The following AKR1B15 variants were observed in gnomAD, a reference collection of about 807,000 sequenced individuals.
AKR1B15 encodes the protein aldo-keto reductase family 1 member B15, also known as estradiol 17-beta-dehydrogenase AKR1B15.
AKR1B15 carries 49 observed loss-of-function variants against 38.5 expected under a neutral mutation model. The observed-to-expected ratio is 1.27, with a 90% CI of 1.01 to 1.62. The LOEUF is 1.62. AKR1B15 is among the 40% of genes most tolerant of loss of function. The pLI is 0.00. For synonymous variants in AKR1B15, 137 were observed against 135.5 expected (o/e 1.01, Z -0.08); for missense variants, 411 against 381.6 (o/e 1.08, Z -0.64).
intron 5 of AKR1B15, among the ~76,000 whole-genome samples, chr7:134,571,021 A>G (rs1794657218): frequency 6.6e-6 from 1 of 152,220 alleles, no homozygotes; most frequent in Non-Finnish European, 1.5e-5. Flanking sequence ...TGGCAGTGGC[A>G]TCTTGGAGAA....
rs2117678708 is a variant in AKR1B15, at chr7:134,579,712, A to G, written c.*163A>G. Reference sequence around the variant, plus strand: ...TGCTGTTTTAGACATGTATTTCTGTATGTTCAACTAGGATAAGAATATCAC... The same window carrying G: ...TGCTGTTTTAGACATGTATTTCTGTGTGTTCAACTAGGATAAGAATATCAC... On this transcript the variant is annotated 3_prime_UTR_variant, in exon 12 of 12. Coordinates refer to ENST00000457545, the MANE Select transcript of AKR1B15 (RefSeq NM_001080538.3). 1.8e-6 allele frequency: 1 copy of G among 563,762 alleles called. No homozygotes were observed. The highest frequency in any genetic ancestry group is 3.0e-6 in the Non-Finnish European group (1 of 332,564). 34.9% of individuals were successfully genotyped at this position (563,762 alleles called of 1,614,324 possible).
In AKR1B15 at chr7:134,576,346, T is replaced by G. The variant is rs1431772691; in HGVS notation, c.744-3T>G. On this transcript the variant is annotated splice_region_variant and splice_polypyrimidine_tract_variant and intron_variant, in intron 8 of 11. Transcript: ENST00000457545. ...ATTCACATCAGCATCTTTCTGCCCC[T>G]AGGGCCAAACCTGAGGACCCTTCCC... 1.9e-6 allele frequency: 3 copies of G among 1,613,950 alleles called. No individual in the cohort carries two copies.
rs768439134 is a variant in AKR1B15, at chr7:134,579,511, T to G, written c.997T>G (p.Ser333Ala). The G allele has an allele frequency of 6.3e-7, 1 of 1,594,808 alleles. No individual in the cohort carries two copies. The highest frequency in any genetic ancestry group is 8.5e-7 in the Non-Finnish European group (1 of 1,170,748). Residue 333 changes from serine to alanine, a missense_variant, in exon 12 of 12, where the codon TCT becomes GCT. By Grantham distance (99) the Ser-to-Ala change is moderately conservative. This residue lies in a region of AKR1B15 where 133 missense variants were observed against 120.3 expected (regional missense o/e 1.11). Transcript: ENST00000457545. ...NWRAFDFKEF[S>A]HLEDFPFDAE... ...TTTTTTTCTCTCTCTCTGTAGATTC[T>G]CTCATTTGGAGGACTTTCCCTTCGA...
chr7:134,577,133 G>C (rs1310070468), intron 10 of AKR1B15, 87 bp downstream of exon 10: 3 of 1,366,688 alleles, frequency 2.2e-6, no homozygotes, highest in Non-Finnish European at 3.1e-6. Context: ...CCTCATCCCT[G>C]CACTGTCTTT....
intron 2 of AKR1B15, among the ~76,000 whole-genome samples, chr7:134,560,876 A>G (rs1334133172): frequency 1.3e-5 from 2 of 152,216 alleles, no homozygotes; most frequent in African/African-American, 4.8e-5. Context: ...ACCTCAGACT[A>G]ACACCACTTT....
At chr7:134,572,862 G>A (rs1016644095) in intron 6 of AKR1B15, among the ~76,000 whole-genome samples, 2 of 152,162 alleles carry the variant, frequency 1.3e-5, no homozygotes, top group Non-Finnish European at 2.9e-5. Flanking sequence ...AGTTAATCAT[G>A]TTATCTTGGC....
At chr7:134,565,414 A>T in intron 3 of AKR1B15, 1 of 1,609,874 alleles carries the variant, frequency 6.2e-7, no homozygotes, top group Admixed American at 1.7e-5. Flanking sequence ...TCTGGAAGGA[A>T]CCAACTCTGG....
chr7:134,555,484 A>C (rs867402095), intron 1 of AKR1B15, among the ~76,000 whole-genome samples: 1 of 152,114 alleles, frequency 6.6e-6, no homozygotes, highest in African/African-American at 2.4e-5. Flanking sequence ...AACTGCGCCT[A>C]AGTTGAGTAA....
chr7:134,556,576 A>C (rs1407221107), intron 1 of AKR1B15, among the ~76,000 whole-genome samples, 160 bp from the exon 2 acceptor site: 1 of 152,068 alleles, frequency 6.6e-6, no homozygotes, highest in Non-Finnish European at 1.5e-5. Context: ...CAGGCACCCA[A>C]AAATACCTGG....
Position 134,563,333 on chromosome 7 carries a change from C to T in AKR1B15, c.-22-1265C>T, listed in dbSNP as rs1280473226. ...CTGTAATCCCAGCACTTTGGCAGGC[C>T]GAGGTGGGTGGATCACCTGAGGTCA... On this transcript the variant is annotated intron_variant, in intron 2 of 11. Transcript: ENST00000457545. Among the ~76,000 whole-genome samples, 11 of 152,066 alleles carry T rather than the reference C, an allele frequency of 7.2e-5. No individual in the cohort carries two copies. The East Asian group carries it at 7.7e-4, about 11-fold the overall frequency.
chr7:134,568,590 A>G (rs900131640), intron 4 of AKR1B15, among the ~76,000 whole-genome samples: 3 of 152,120 alleles, frequency 2.0e-5, no homozygotes, highest in Non-Finnish European at 2.9e-5. Flanking sequence ...CATCAGAGGG[A>G]TCTACCATCT....
At chr7:134,566,849 C>G (rs1437206633) in intron 3 of AKR1B15, among the ~76,000 whole-genome samples, 1 of 152,186 alleles carries the variant, frequency 6.6e-6, no homozygotes, top group Non-Finnish European at 1.5e-5. Flanking sequence ...TACATACTGA[C>G]TCTTGCTTGA....
intron 4 of AKR1B15, 51 bp downstream of exon 4, chr7:134,568,376 T>C: frequency 6.2e-7 from 1 of 1,603,198 alleles, no homozygotes; most frequent in Non-Finnish European, 8.5e-7. Flanking sequence ...CAGGCAGAAG[T>C]ATCTGGATCG....
intron 9 of AKR1B15, 65 bp from the exon 10 acceptor site, chr7:134,576,898 T>C (rs1794777424): frequency 7.0e-6 from 10 of 1,433,332 alleles, no homozygotes; most frequent in Admixed American, 6.7e-5. Context: ...TGTTTTATTC[T>C]TCCTTTCCAT....
At chr7:134,577,598 G>C (rs1423377756) in intron 10 of AKR1B15, 106 bp from the exon 11 acceptor site, 1 of 1,316,014 alleles carries the variant, frequency 7.6e-7, no homozygotes, top group Non-Finnish European at 1.1e-6. Flanking sequence ...CCTATGGCCA[G>C]TTTGTGCTGT....
chr7:134,567,329 C>CT (rs1458032659), intron 3 of AKR1B15, among the ~76,000 whole-genome samples: 1 of 151,834 alleles, frequency 6.6e-6, no homozygotes, highest in Non-Finnish European at 1.5e-5. Context: ...CTTTCCTTCC[C>CT]TTCTTTCTCT....
At chr7:134,556,103 T>C (rs1397845949) in intron 1 of AKR1B15, among the ~76,000 whole-genome samples, 1 of 152,222 alleles carries the variant, frequency 6.6e-6, no homozygotes, top group Non-Finnish European at 1.5e-5. Flanking sequence ...GTTGGAACTA[T>C]GTTCACCATC....
chr7:134,575,165 G>A (rs572068359), intron 6 of AKR1B15, among the ~76,000 whole-genome samples: 16 of 151,888 alleles, frequency 1.1e-4, no homozygotes, highest in Non-Finnish European at 2.2e-4. Flanking sequence ...GTTTCTTTAC[G>A]TGTAAGGTGA....
intron 10 of AKR1B15, 84 bp downstream of exon 10, chr7:134,577,130 C>T (rs1341410156): frequency 3.6e-6 from 5 of 1,371,344 alleles, no homozygotes; most frequent in Non-Finnish European, 4.1e-6. Flanking sequence ...TCACCTCATC[C>T]CTGCACTGTC....
Sources: gnomAD v4.1 joint callset for allele counts (sites outside exome capture counted in the v4.1 genomes callset) on GRCh38, gnomAD v4.1.1 for gene constraint, gnomAD v4.1.1 regional missense constraint, MANE v1.5 for transcripts, NCBI Gene and HGNC (gene_info 2026-07-23, HGNC 2026-07-21) for gene names.